The following LGALS9 variants were observed in gnomAD, a reference collection of about 807,000 sequenced individuals.
LGALS9 encodes the protein galectin-9.
A neutral mutation model predicts 35.9 loss-of-function variants in LGALS9; 26 were observed. That is an observed-to-expected ratio of 0.72 (90% confidence interval 0.53 to 1.01). The LOEUF is 1.01. Among genes scored for constraint, LGALS9 ranks in the 50% least tolerant of loss-of-function variants. LGALS9 has a pLI of 0.00. For missense variants in LGALS9, 347 were observed against 445.8 expected (o/e 0.78, Z 1.99); for synonymous variants, 149 against 172.2 (o/e 0.87, Z 1.06).
Position 27,642,234 on chromosome 17 carries a change from G to A in LGALS9, c.334-4G>A. 6.2e-7 allele frequency: 1 copy of A among 1,608,956 alleles called. No individual in the cohort carries two copies. Among genetic ancestry groups the A allele is most frequent in the Non-Finnish European group, 8.5e-7 (1 of 1,177,332 alleles). ...CCCCCAGAACATGTGCTCTCCTCTG[G>A]CAGGTGATGGTGAACGGGATCCTCT... On this transcript the variant is annotated splice_polypyrimidine_tract_variant and splice_region_variant and intron_variant, in intron 3 of 10. Coordinates refer to ENST00000395473, the MANE Select transcript of LGALS9 (RefSeq NM_009587.3).
chr17:27,646,971 G>A (rs974105770), intron 8 of LGALS9, 59 bp from the exon 9 acceptor site: 1 of 1,610,990 alleles, frequency 6.2e-7, no homozygotes, highest in African/African-American at 1.3e-5. Flanking sequence ...AAATTCATGG[G>A]AACTGGTACA....
intron 6 of LGALS9, 127 bp downstream of exon 6, chr17:27,645,476 T>A: frequency 1.4e-6 from 2 of 1,380,998 alleles, no homozygotes; most frequent in South Asian, 2.7e-5. Flanking sequence ...CCCTTGACCA[T>A]CTGCCCGGCC....
chr17:27,637,928 T>C (rs1478115274), intron 1 of LGALS9, among the ~76,000 whole-genome samples: 4 of 151,982 alleles, frequency 2.6e-5, no homozygotes, highest in South Asian at 2.1e-4. Flanking sequence ...GCTACTTCCC[T>C]GCCTGGAAGG....
rs750130724 is a variant in LGALS9, at chr17:27,631,227, G to T, written c.-39G>T. On this transcript the variant is annotated 5_prime_UTR_variant, in exon 1 of 11. Transcript: ENST00000395473. ...TCCCTCTACAAAGGACTTCCTAGTGGGTGTGAAAGGCAGCGGTGGCCACAG... is the reference window on the plus strand; with the variant it reads ...TCCCTCTACAAAGGACTTCCTAGTGTGTGTGAAAGGCAGCGGTGGCCACAG... 5.6e-6 allele frequency: 9 copies of T among 1,614,066 alleles called. No individual in the cohort carries two copies. Among genetic ancestry groups the T allele is most frequent in the Non-Finnish European group, 7.6e-6 (9 of 1,179,958 alleles).
In LGALS9 at chr17:27,646,505, C is replaced by A. The variant is rs200910577; in HGVS notation, c.628-42C>A. On this transcript the variant is annotated intron_variant, in intron 7 of 10. Transcript: ENST00000395473. ...TGCGCCTGGGTGAGTGCTCGCGCAC[C>A]CATGTGCTCTCCCATTGAATTTCCT... is the stretch of plus-strand genomic sequence containing the variant. 1,226 of 1,611,922 alleles carry A rather than the reference C, an allele frequency of 7.6e-4. 4 individuals are homozygous for A. The highest frequency in any genetic ancestry group is 9.1e-4 in the Non-Finnish European group (1,079 of 1,179,782).
chr17:27,636,802 AT>A (rs1423503169), intron 1 of LGALS9, among the ~76,000 whole-genome samples: 1 of 151,770 alleles, frequency 6.6e-6, no homozygotes, highest in East Asian at 1.9e-4. Flanking sequence ...TTTTTGACAA[AT>A]TTTCCCCCAA....
chr17:27,635,761 T>C (rs2074442950), intron 1 of LGALS9, among the ~76,000 whole-genome samples: 3 of 152,170 alleles, frequency 2.0e-5, no homozygotes, highest in Admixed American at 1.3e-4. Context: ...ATTTTCAGTG[T>C]TGTGTCTCAT....
rs1317915186 is a variant in LGALS9, at chr17:27,647,050, C to T, written c.690C>T (p.Thr230=). 6.2e-7 allele frequency: 1 copy of T among 1,614,060 alleles called. No homozygotes were observed. The highest frequency in any genetic ancestry group is 8.5e-7 in the Non-Finnish European group (1 of 1,179,958). Residue 230 remains threonine, a synonymous_variant, in exon 9 of 11, where the codon ACC becomes ACT. Coordinates refer to ENST00000395473, the MANE Select transcript of LGALS9 (RefSeq NM_009587.3). ...GACAGCCGATGCCTTTCATCACCAC[C>T]ATTCTGGGAGGGCTGTACCCATCCA... ...HPAYPMPFIT[T]ILGGLYPSKS...
chr17:27,640,957 A>G, intron 3 of LGALS9, 184 bp downstream of exon 3: 1 of 923,578 alleles, frequency 1.1e-6, no homozygotes, highest in Non-Finnish European at 1.7e-6. Context: ...CTTCATCTGA[A>G]TCTACAGGTG....
At chr17:27,638,029 C>T (rs539597857) in intron 1 of LGALS9, among the ~76,000 whole-genome samples, 1 of 152,272 alleles carries the variant, frequency 6.6e-6, no homozygotes, top group Admixed American at 6.5e-5. Flanking sequence ...CCTCTCAGGG[C>T]CAGGCTTCTC....
Position 27,646,609 on chromosome 17 carries a change from G to A in LGALS9, c.669+21G>A. The A allele has an allele frequency of 1.9e-6, 3 of 1,612,980 alleles. No individual in the cohort carries two copies. The South Asian group carries it at 3.3e-5, about 18-fold the overall frequency. On this transcript the variant is annotated intron_variant, in intron 8 of 10. Transcript: ENST00000395473. ...CCTATGTAAGTGGTTTCTCAGGGAG[G>A]GCAGAGGTTCTGTTTGTGGTGGGCA...
chr17:27,647,682 AG>A (rs1598191070), intron 10 of LGALS9, among the ~76,000 whole-genome samples: 1 of 152,262 alleles, frequency 6.6e-6, no homozygotes, highest in East Asian at 1.9e-4. Flanking sequence ...TCACACAGTC[AG>A]TAAGTGTCAA....
chr17:27,640,719 C>A lies in LGALS9; in HGVS notation c.279C>A (p.Phe93Leu), dbSNP rs1237655058. The A allele has an allele frequency of 6.2e-7, 1 of 1,614,202 alleles. No homozygotes were observed. Among genetic ancestry groups the A allele is most frequent in the South Asian group, 1.1e-5 (1 of 91,084 alleles). Residue 93 changes from phenylalanine (F) to leucine (L), a missense_variant, in exon 3 of 11, where the codon TTC becomes TTA. Physicochemically the swap from Phe to Leu is conservative, Grantham distance 22 (BLOSUM62 0). Transcript: ENST00000395473. Reference protein sequence around the residue: ...GPEERKTHMPFQKGMPFDLCF... With the variant: ...GPEERKTHMPLQKGMPFDLCF... ...AGGAGAGGAAGACACACATGCCTTT[C>A]CAGAAGGGGATGCCCTTTGACCTCT...
rs115538405 is a variant in LGALS9 at position 27,635,879 on chromosome 17, G to A, written c.40-2384G>A. 6.2e-3 allele frequency among the ~76,000 whole-genome samples: 937 copies of A among 152,300 alleles called. 7 individuals carry two copies. The highest frequency in any genetic ancestry group is 0.022 in the African/African-American group (899 of 41,558). ...AAAACAGGCTTCCCAATCCTAGGCCGTGCTGGTCCATAATTGGATCAGGCT... is the reference window on the plus strand; with the variant it reads ...AAAACAGGCTTCCCAATCCTAGGCCATGCTGGTCCATAATTGGATCAGGCT... On this transcript the variant is annotated intron_variant, in intron 1 of 10. Coordinates refer to ENST00000395473, the MANE Select transcript of LGALS9 (RefSeq NM_009587.3).
At chr17:27,648,745 G>A in intron 10 of LGALS9, 91 bp from the exon 11 acceptor site, 1 of 1,596,446 alleles carries the variant, frequency 6.3e-7, no homozygotes, top group Non-Finnish European at 8.5e-7. Flanking sequence ...CAACTGAGGA[G>A]GGAGGGAGGG....
rs184879290 is a variant in LGALS9, at chr17:27,647,236, G to C, written c.759-34G>C. On this transcript the variant is annotated intron_variant, in intron 9 of 10. Transcript: ENST00000395473. ...GGGAGGAAATGGGACTCAGAATTCG[G>C]TGGATAAAGGTTCAGGTGGGCTGCC... The C allele has an allele frequency of 2.7e-4, 433 of 1,613,452 alleles. 2 individuals carry two copies. The African/African-American group carries it at 5.0e-3, about 19-fold the overall frequency.
chr17:27,641,781 C>CTG (rs1904523238), intron 3 of LGALS9, among the ~76,000 whole-genome samples: 1 of 151,964 alleles, frequency 6.6e-6, no homozygotes, highest in Non-Finnish European at 1.5e-5. Context: ...CAAGACCAGC[C>CTG]TGGCCAACAT....
chr17:27,645,153 G>A (rs1407399445), intron 5 of LGALS9, 161 bp from the exon 6 acceptor site: 3 of 1,480,820 alleles, frequency 2.0e-6, no homozygotes, highest in East Asian at 2.3e-5. Flanking sequence ...AAAAATCTGG[G>A]TGCCACGGGC....
chr17:27,642,497 GCC>G (rs1904596230), intron 4 of LGALS9, 149 bp downstream of exon 4: 1 of 1,154,832 alleles, frequency 8.7e-7, no homozygotes, highest in Admixed American at 2.7e-5. Context: ...GTACCTGCCC[GCC>G]CCTTCTCCTC....
Sources: allele counts gnomAD v4.1 joint callset (sites outside exome capture counted in the v4.1 genomes callset), GRCh38; gene constraint gnomAD v4.1.1; transcripts MANE v1.5; gene names NCBI Gene and HGNC (gene_info 2026-07-23, HGNC 2026-07-21).